Variants in PRKCQ observed in about 807,000 individuals in gnomAD.
PRKCQ encodes protein kinase C theta type.
In PRKCQ, 41 loss-of-function variants were observed where a neutral mutation model predicts 91.2. That is an observed-to-expected ratio of 0.45 (90% CI 0.35 to 0.58). PRKCQ has a LOEUF of 0.58. PRKCQ is among the 20% of genes least tolerant of loss of function. The probability of loss-of-function intolerance (pLI) is 0.00; values close to 1 mark genes in which losing one functional copy is unlikely to be tolerated. For synonymous variants in PRKCQ, 307 were observed against 316.9 expected, an observed-to-expected ratio of 0.97 and a Z score of 0.33; for missense variants, 673 against 896.5, an observed-to-expected ratio of 0.75 and a Z score of 3.18.
intron 3 of PRKCQ, 124 bp from the exon 4 acceptor site, chr10:6,507,620 A>G (rs1838262546): frequency 1.2e-6 from 1 of 844,104 alleles, no homozygotes; most frequent in African/African-American, 1.7e-5. Flanking sequence ...GTTACTCTCC[A>G]CTGTACTCAA....
intron 1 of PRKCQ, among the ~76,000 whole-genome samples, chr10:6,549,712 T>C (rs948528790): frequency 2.1e-5 from 3 of 145,178 alleles, no homozygotes; most frequent in Admixed American, 7.0e-5. Flanking sequence ...CTCACTGCAA[T>C]CTCCACCTCC....
At chr10:6,546,192 C>T (rs2130925317) in intron 1 of PRKCQ, among the ~76,000 whole-genome samples, 1 of 152,176 alleles carries the variant, frequency 6.6e-6, no homozygotes, top group East Asian at 1.9e-4. Flanking sequence ...TGTACAGGCC[C>T]TGATGTTTAT....
At chr10:6,564,116 C>T (rs1306933588) in intron 1 of PRKCQ, among the ~76,000 whole-genome samples, 1 of 152,132 alleles carries the variant, frequency 6.6e-6, no homozygotes, top group African/African-American at 2.4e-5. Context: ...AGGCAGGGCA[C>T]AGGCTGGGAA....
intron 1 of PRKCQ, among the ~76,000 whole-genome samples, chr10:6,530,479 G>C (rs1839352532): frequency 1.3e-5 from 2 of 152,256 alleles, no homozygotes; most frequent in African/African-American, 2.4e-5. Context: ...GTTTTATAGA[G>C]AATACTCTAC....
At chr10:6,564,386 T>C (rs1398408108) in intron 1 of PRKCQ, among the ~76,000 whole-genome samples, 1 of 152,108 alleles carries the variant, frequency 6.6e-6, no homozygotes, top group Non-Finnish European at 1.5e-5. Flanking sequence ...AGCCTATCCC[T>C]TTCCCTCCCA....
intron 11 of PRKCQ, among the ~76,000 whole-genome samples, chr10:6,482,824 C>T (rs1191581468): frequency 6.6e-6 from 1 of 151,578 alleles, no homozygotes; most frequent in Non-Finnish European, 1.5e-5. Context: ...TGTAGGGAAA[C>T]TCCTCTTTAT....
intron 8 of PRKCQ, among the ~76,000 whole-genome samples, chr10:6,487,597 T>G (rs1386522272): frequency 6.6e-6 from 1 of 152,136 alleles, no homozygotes; most frequent in African/African-American, 2.4e-5. Context: ...GAATCTAACT[T>G]CCATTGCCAG....
intron 1 of PRKCQ, among the ~76,000 whole-genome samples, chr10:6,518,732 A>C (rs1398009688): frequency 6.6e-6 from 1 of 152,096 alleles, no homozygotes; most frequent in East Asian, 1.9e-4. Context: ...GAGGCAGGGG[A>C]ATCGCTTTGC....
intron 11 of PRKCQ, among the ~76,000 whole-genome samples, chr10:6,480,346 G>A (rs1379208490): frequency 6.6e-6 from 1 of 152,166 alleles, no homozygotes; most frequent in Non-Finnish European, 1.5e-5. Context: ...TCAGATTCTT[G>A]GAGCTATGAG....
At chr10:6,540,053 T>C (rs1281940130) in intron 1 of PRKCQ, among the ~76,000 whole-genome samples, 1 of 152,174 alleles carries the variant, frequency 6.6e-6, no homozygotes, top group Non-Finnish European at 1.5e-5. Flanking sequence ...TGCCTGTTCT[T>C]CTTGACAGTA....
chr10:6,572,614 T>C (rs2130979597), intron 1 of PRKCQ, among the ~76,000 whole-genome samples: 1 of 152,382 alleles, frequency 6.6e-6, no homozygotes, highest in South Asian at 2.1e-4. Flanking sequence ...ATGTACATTT[T>C]CTTAATCCAG....
At chr10:6,411,434 C>T in the PRKCQ span, among the ~76,000 whole-genome samples, 5 of 152,152 alleles carry the variant, frequency 3.3e-5, no homozygotes, top group South Asian at 4.2e-4. Context: ...CCAAAAGGTC[C>T]GGTGATATTT....
At chr10:6,548,829 C>T (rs2130930300) in intron 1 of PRKCQ, among the ~76,000 whole-genome samples, 1 of 152,032 alleles carries the variant, frequency 6.6e-6, no homozygotes, top group Non-Finnish European at 1.5e-5. Flanking sequence ...CACACGTATA[C>T]ATATGTAACA....
chr10:6,415,181 T>G, the PRKCQ span, among the ~76,000 whole-genome samples: 1 of 151,518 alleles, frequency 6.6e-6, no homozygotes, highest in Non-Finnish European at 1.5e-5. Context: ...CAGGTTGGTC[T>G]TCAACTCCTG....
chr10:6,554,335 G>A (rs908293957), intron 1 of PRKCQ, among the ~76,000 whole-genome samples: 6 of 152,142 alleles, frequency 3.9e-5, no homozygotes, highest in Non-Finnish European at 7.3e-5. Context: ...GTCCAAACTG[G>A]GAATTAAAGT....
chr10:6,479,587 TC>T (rs1477903419), intron 11 of PRKCQ, among the ~76,000 whole-genome samples: 4 of 151,888 alleles, frequency 2.6e-5, no homozygotes, highest in Non-Finnish European at 5.9e-5. Flanking sequence ...ACCCAGTTTT[TC>T]CAGGCCAAAA....
chr10:6,499,349 C>T (rs1483928724), intron 4 of PRKCQ, among the ~76,000 whole-genome samples: 2 of 152,086 alleles, frequency 1.3e-5, no homozygotes, highest in Non-Finnish European at 2.9e-5. Flanking sequence ...GTGCCCTATA[C>T]CTGAATGACA....
intron 1 of PRKCQ, among the ~76,000 whole-genome samples, chr10:6,561,191 C>T (rs940892423): frequency 3.3e-5 from 5 of 150,976 alleles, no homozygotes; most frequent in South Asian, 2.1e-4. Context: ...GGCAACACAG[C>T]GAAACTGTGT....
intron 11 of PRKCQ, among the ~76,000 whole-genome samples, chr10:6,482,502 A>T (rs890715923): frequency 1.3e-5 from 2 of 152,192 alleles, no homozygotes; most frequent in Non-Finnish European, 2.9e-5. Context: ...GAGGGCGACC[A>T]TTGCAAAGCA....
Sources: gnomAD v4.1 joint callset for allele counts (sites outside exome capture counted in the v4.1 genomes callset) on GRCh38, gnomAD v4.1.1 for gene constraint, MANE v1.5 for transcripts, NCBI Gene and HGNC (gene_info 2026-07-23, HGNC 2026-07-21) for gene names.